ROBO2: variants seen among roughly 807,000 people sequenced by gnomAD.
ROBO2 encodes the protein roundabout guidance receptor 2, also known as roundabout homolog 2.
ROBO2 carries 53 observed loss-of-function variants against 160.8 expected under a neutral mutation model. The observed-to-expected ratio is 0.33, with a 90% CI of 0.26 to 0.41. The LOEUF (loss-of-function observed/expected upper bound fraction) is 0.41, where lower values mean the gene tolerates loss of function less well. Among genes scored for constraint, ROBO2 ranks in the 10% least tolerant of loss-of-function variants. The pLI, the probability that ROBO2 is intolerant of heterozygous loss-of-function variation, is 1.00. For synonymous variants in ROBO2, 664 were observed against 611.7 expected (o/e 1.09, Z -1.26); for missense variants, 1,577 against 1,722.4 (o/e 0.92, Z 1.49).
chr3:77,231,363 C>CAAAA (rs60535204), intron 2 of ROBO2, among the ~76,000 whole-genome samples: 200 of 59,598 alleles, frequency 3.4e-3, no homozygotes, highest in African/African-American at 0.013. Context: ...AGACTCCATC[C>CAAAA]AAAAAAAAAA....
At chr3:76,287,302 T>TG (rs1420843606) in intron 2 of ROBO2, among the ~76,000 whole-genome samples, 2 of 122,302 alleles carry the variant, frequency 1.6e-5, no homozygotes, top group Non-Finnish European at 3.3e-5. Flanking sequence ...TTTCTTTTCT[T>TG]TTTTTTTTTT....
intron 2 of ROBO2, among the ~76,000 whole-genome samples, chr3:76,785,264 C>A (rs1448352589): frequency 1.3e-5 from 2 of 151,116 alleles, no homozygotes; most frequent in African/African-American, 2.4e-5. Flanking sequence ...TTGAGTTTGG[C>A]ATGGTATGGT....
At chr3:77,274,797 T>C (rs899030841) in intron 2 of ROBO2, among the ~76,000 whole-genome samples, 2 of 152,100 alleles carry the variant, frequency 1.3e-5, no homozygotes, top group South Asian at 4.1e-4. Context: ...TCAAGCATCA[T>C]TTTGTGAGTG....
chr3:76,710,830 G>C (rs1220501066), intron 2 of ROBO2, among the ~76,000 whole-genome samples: 1 of 152,146 alleles, frequency 6.6e-6, no homozygotes, highest in Non-Finnish European at 1.5e-5. Context: ...AGAGAGGAGA[G>C]CTGAACCCAT....
chr3:76,568,405 C>G (rs1428256049), intron 2 of ROBO2, among the ~76,000 whole-genome samples: 2 of 151,910 alleles, frequency 1.3e-5, no homozygotes, highest in East Asian at 3.9e-4. Context: ...TCACACCATT[C>G]TCCTGCCTCA....
At chr3:77,128,952 G>A (rs1299262223) in intron 2 of ROBO2, among the ~76,000 whole-genome samples, 1 of 152,046 alleles carries the variant, frequency 6.6e-6, no homozygotes, top group African/African-American at 2.4e-5. Context: ...AATATGATAG[G>A]TGAAAATATT....
intron 2 of ROBO2, among the ~76,000 whole-genome samples, chr3:76,874,114 G>T (rs780874566): frequency 1.3e-5 from 2 of 152,028 alleles, no homozygotes; most frequent in Non-Finnish European, 1.5e-5. Flanking sequence ...AAGTCACCCT[G>T]GGAATTTGAG....
At chr3:76,184,164 G>C (rs113338175) in intron 2 of ROBO2, among the ~76,000 whole-genome samples, 3,624 of 152,120 alleles carry the variant, frequency 0.024, 216 homozygotes, top group East Asian at 0.2. Flanking sequence ...TTTAGACTGG[G>C]CTCAGTGGGT....
chr3:77,032,775 T>C (rs572209981), intron 2 of ROBO2, among the ~76,000 whole-genome samples: 2 of 151,778 alleles, frequency 1.3e-5, no homozygotes, highest in East Asian at 3.9e-4. Context: ...GTGTTTTCTA[T>C]TTGGCCATCC....
chr3:76,395,226 A>G (rs1340482846), intron 2 of ROBO2, among the ~76,000 whole-genome samples: 3 of 150,622 alleles, frequency 2.0e-5, no homozygotes, highest in African/African-American at 4.9e-5. Flanking sequence ...CTGAATGACT[A>G]CTGGGTACAT....
intron 2 of ROBO2, among the ~76,000 whole-genome samples, chr3:77,153,548 A>G (rs1402730389): frequency 6.6e-6 from 1 of 152,126 alleles, no homozygotes; most frequent in African/African-American, 2.4e-5. Context: ...CTGAATAGAG[A>G]AAGATATTTT....
intron 2 of ROBO2, among the ~76,000 whole-genome samples, chr3:76,036,368 T>C (rs2067108222): frequency 6.6e-6 from 1 of 151,942 alleles, no homozygotes; most frequent in South Asian, 2.1e-4. Context: ...CAGGCTGGTC[T>C]CGAACTCCTG....
intron 2 of ROBO2, among the ~76,000 whole-genome samples, chr3:77,239,243 C>T (rs182369320): frequency 8.5e-5 from 13 of 152,246 alleles, no homozygotes; most frequent in East Asian, 7.7e-4. Flanking sequence ...TTCGTGGTCT[C>T]GCTGACTTCA....
chr3:76,160,146 C>CA (rs1172506262), intron 2 of ROBO2, among the ~76,000 whole-genome samples: 1 of 151,856 alleles, frequency 6.6e-6, no homozygotes, highest in Non-Finnish European at 1.5e-5. Flanking sequence ...TTGAGCATCG[C>CA]AAAAAAACAT....
At chr3:76,579,836 C>G (rs903879934) in intron 2 of ROBO2, among the ~76,000 whole-genome samples, 1 of 151,096 alleles carries the variant, frequency 6.6e-6, no homozygotes, top group Non-Finnish European at 1.5e-5. Context: ...TGAGTCTGTT[C>G]TCTAAGATAG....
At chr3:77,585,910 A>T (rs2094034830) in intron 16 of ROBO2, among the ~76,000 whole-genome samples, 1 of 152,064 alleles carries the variant, frequency 6.6e-6, no homozygotes, top group South Asian at 2.1e-4. Flanking sequence ...AAACTGTATC[A>T]CATTTCCCCT....
intron 2 of ROBO2, among the ~76,000 whole-genome samples, chr3:76,503,001 T>C (rs2080558552): frequency 1.5e-5 from 1 of 65,152 alleles, no homozygotes; most frequent in African/African-American, 3.7e-5. Context: ...TATATATATA[T>C]GTGTGTGTGT....
intron 2 of ROBO2, among the ~76,000 whole-genome samples, chr3:76,047,414 A>G (rs2067487457): frequency 6.6e-6 from 1 of 152,170 alleles, no homozygotes; most frequent in Non-Finnish European, 1.5e-5. Flanking sequence ...GTCTTGTTCT[A>G]TGAAAAGACC....
At position 77,411,702 on chromosome 3, in the gene ROBO2, A is replaced by G. The variant is rs375750624; in HGVS notation, c.389-65712A>G. 2.6e-5 allele frequency among the ~76,000 whole-genome samples: 4 copies of G among 152,342 alleles called. No individual in the cohort carries two copies. In the East Asian group the frequency reaches 7.7e-4, roughly 29 times the overall value. ...CACATGTATATGTATATTTATGCATATTAGCTTATATGTGTGTAAACTCTA... is the reference window on the plus strand; with the variant it reads ...CACATGTATATGTATATTTATGCATGTTAGCTTATATGTGTGTAAACTCTA... On this transcript the variant is annotated intron_variant, in intron 2 of 25. Transcript: ENST00000461745.
Sources: gnomAD v4.1 joint callset for allele counts (sites outside exome capture counted in the v4.1 genomes callset) on GRCh38, gnomAD v4.1.1 for gene constraint, MANE v1.5 for transcripts, NCBI Gene and HGNC (gene_info 2026-07-23, HGNC 2026-07-21) for gene names.